Variants in RNF128 observed in about 807,000 individuals in gnomAD.
RNF128 encodes ring finger protein 128.
Under a neutral mutation model 26.2 loss-of-function variants are expected in RNF128, and 13 were observed. The ratio of observed to expected loss-of-function variants is 0.50; its 90% CI spans 0.32 to 0.79. RNF128 has a LOEUF of 0.79. Ranked by LOEUF, RNF128 falls within the 30% of genes least tolerant of loss-of-function variation. RNF128 has a pLI of 0.03. For missense variants in RNF128, 315 were observed against 349.7 expected (o/e 0.90, Z 0.79); for synonymous variants, 149 against 142.5 (o/e 1.05, Z -0.32).
chrX:106,771,454 C>T (rs1036487801), intron 1 of RNF128, among the ~76,000 whole-genome samples: 3 of 112,787 alleles, frequency 2.7e-5, no homozygotes, highest in African/African-American at 9.7e-5. Context: ...TCAGCAATGG[C>T]GTACGCCCCT....
intron 1 of RNF128, among the ~76,000 whole-genome samples, chrX:106,730,882 GATATAT>G (rs1247622581): frequency 2.7e-5 from 3 of 111,727 alleles, no homozygotes; most frequent in Non-Finnish European, 3.8e-5. Flanking sequence ...GATACAGTTT[GATATAT>G]AACACAGTTG....
At chrX:106,704,402 A>C (rs1016879247) in intron 1 of RNF128, among the ~76,000 whole-genome samples, 1 of 96,503 alleles carries the variant, frequency 1.0e-5, no homozygotes, top group African/African-American at 3.9e-5. Flanking sequence ...CACGCACTCC[A>C]GCCTGGGCGA....
intron 1 of RNF128, among the ~76,000 whole-genome samples, chrX:106,707,349 T>G (rs186133273): frequency 6.9e-4 from 77 of 111,007 alleles, no homozygotes; most frequent in African/African-American, 2.3e-3. Flanking sequence ...AAAATGTGCC[T>G]TCCTCTAACT....
intron 1 of RNF128, among the ~76,000 whole-genome samples, chrX:106,729,347 A>C (rs1292713356): frequency 9.0e-6 from 1 of 110,789 alleles, no homozygotes; most frequent in Non-Finnish European, 1.9e-5. Flanking sequence ...AACTTTACTG[A>C]GCCTTGGATA....
intron 1 of RNF128, among the ~76,000 whole-genome samples, chrX:106,765,986 G>C (rs1196755887): frequency 3.7e-5 from 4 of 108,399 alleles, no homozygotes; most frequent in Non-Finnish European, 7.6e-5. Flanking sequence ...TTCTGTCTTG[G>C]TGATAGTTTG....
At chrX:106,718,508 G>GA (rs777984996) in intron 1 of RNF128, among the ~76,000 whole-genome samples, 296 of 110,752 alleles carry the variant, frequency 2.7e-3, no homozygotes, top group African/African-American at 9.3e-3. Flanking sequence ...AGACAGCTTA[G>GA]AAAAAATGTA....
intron 1 of RNF128, among the ~76,000 whole-genome samples, chrX:106,702,596 G>C (rs1192478822): frequency 9.0e-6 from 1 of 111,487 alleles, no homozygotes; most frequent in East Asian, 2.8e-4. Flanking sequence ...ACATTCCCTA[G>C]GCAGCAAGGA....
chrX:106,726,691 C>A (rs1176302043), upstream of RNF128: 6 of 1,017,384 alleles, frequency 5.9e-6, no homozygotes, highest in African/African-American at 2.0e-5. Flanking sequence ...CAGAGCCCGA[C>A]GCGGCAGCCG....
intron 6 of RNF128, among the ~76,000 whole-genome samples, chrX:106,794,278 G>T (rs762999468): frequency 1.8e-5 from 2 of 111,194 alleles, no homozygotes; most frequent in South Asian, 7.5e-4. Context: ...GTTCAAGTTG[G>T]TTTTTGTGTT....
chrX:106,748,593 A>T (rs1273174619), intron 1 of RNF128, among the ~76,000 whole-genome samples: 1 of 112,320 alleles, frequency 8.9e-6, no homozygotes, highest in African/African-American at 3.2e-5. Context: ...ATACAGCCTT[A>T]AAAAATGAAA....
chrX:106,730,118 A>G (rs993515549), intron 1 of RNF128, among the ~76,000 whole-genome samples: 3 of 112,325 alleles, frequency 2.7e-5, no homozygotes, highest in Non-Finnish European at 5.6e-5. Context: ...ATTCCCACCT[A>G]ACTAATTTAG....
chrX:106,777,114 T>A (rs771701186), intron 2 of RNF128, among the ~76,000 whole-genome samples: 1 of 111,895 alleles, frequency 8.9e-6, no homozygotes, highest in Non-Finnish European at 1.9e-5. Context: ...TATGGTGTAA[T>A]ACTGGTATTG....
Position 106,769,882 on chromosome X carries a change from T to C in RNF128, c.485-3031T>C, listed in dbSNP as rs1930338586. Among the ~76,000 whole-genome samples, 3 of 111,544 alleles carry C rather than the reference T, an allele frequency of 2.7e-5. No individual in the cohort carries two copies. In the South Asian group the frequency reaches 1.1e-3, roughly 43 times the overall value. ...CAATTTCGCATGCTTTTGCAGTGGC[T>C]GGTACCAGTTGTTCCTTTCCATGTT... On this transcript the variant is annotated intron_variant, in intron 1 of 6. Transcript: ENST00000255499.
exon 1 of RNF128, chrX:106,694,029 T>A: frequency 1.7e-6 from 2 of 1,197,813 alleles, no homozygotes; most frequent in Non-Finnish European, 2.2e-6. Context: ...GGTCCAGTTT[T>A]TTTTGGCTCC....
intron 1 of RNF128, among the ~76,000 whole-genome samples, chrX:106,744,650 G>A (rs971655532): frequency 6.3e-5 from 7 of 110,304 alleles, no homozygotes; most frequent in Non-Finnish European, 1.3e-4. Flanking sequence ...TAGTAGAGAC[G>A]GGGTTTCACC....
At chrX:106,773,223 G>A (rs1930408451) in intron 2 of RNF128, 63 bp downstream of exon 2, 1 of 1,068,739 alleles carries the variant, frequency 9.4e-7, no homozygotes, top group Non-Finnish European at 1.3e-6. Context: ...TAGTTTCAGG[G>A]TCCTGCATTT....
chrX:106,703,521 G>T (rs914099431), intron 1 of RNF128, among the ~76,000 whole-genome samples: 2 of 111,271 alleles, frequency 1.8e-5, no homozygotes, highest in Non-Finnish European at 3.8e-5. Context: ...TTAAGAGTCT[G>T]TGCTCTTAAT....
Position 106,762,470 on chromosome X carries a change from C to T in RNF128, c.485-10443C>T, listed in dbSNP as rs186464234. Among the ~76,000 whole-genome samples, 8 of 110,481 alleles carry T rather than the reference C, an allele frequency of 7.2e-5. No individual in the cohort carries two copies. In the East Asian group the frequency reaches 1.1e-3, roughly 16 times the overall value. ...CTGGGATTACAGGCATGCACTGCCA[C>T]GCCTGGCTAATTTTGTACTTTTAGT... On this transcript the variant is annotated intron_variant, in intron 1 of 6. Transcript: ENST00000255499.
In RNF128 at chrX:106,731,310, A is replaced by G. The variant is rs768310757; in HGVS notation, c.484+3913A>G. On this transcript the variant is annotated intron_variant, in intron 1 of 6. Coordinates refer to ENST00000255499, the MANE Select transcript of RNF128 (RefSeq NM_194463.2). The stretch of plus-strand genomic sequence containing the variant: ...AGGAAAAAGATCTTTTGGTCCTCCT[A>G]TGTTTGTTGTACTTTTCTCAAATAA... Among the ~76,000 whole-genome samples, 4 of 111,189 alleles carry G rather than the reference A, an allele frequency of 3.6e-5. No individual in the cohort carries two copies. The East Asian group carries it at 1.1e-3, about 32-fold the overall frequency.
Sources: gnomAD v4.1 joint callset for allele counts (sites outside exome capture counted in the v4.1 genomes callset) on GRCh38, gnomAD v4.1.1 for gene constraint, MANE v1.5 for transcripts, NCBI Gene and HGNC (gene_info 2026-07-23, HGNC 2026-07-21) for gene names.